CREB3L2: variants seen among roughly 807,000 people sequenced by gnomAD.
CREB3L2 encodes the protein cyclic AMP-responsive element-binding protein 3-like protein 2.
In CREB3L2, 23 loss-of-function variants were observed where a neutral mutation model predicts 57.2. That is an observed-to-expected ratio of 0.40 (90% CI 0.29 to 0.57). The LOEUF (loss-of-function observed/expected upper bound fraction) is 0.57. Ranked by LOEUF, CREB3L2 falls within the 20% of genes least tolerant of loss-of-function variation. CREB3L2 has a pLI of 0.42. For missense variants in CREB3L2, 628 were observed against 634.7 expected (o/e 0.99, Z 0.11); for synonymous variants, 268 against 265.1 (o/e 1.01, Z -0.11).
intron 1 of CREB3L2, among the ~76,000 whole-genome samples, chr7:137,961,376 C>A (rs1801320542): frequency 6.6e-6 from 1 of 152,136 alleles, no homozygotes; most frequent in Non-Finnish European, 1.5e-5. Context: ...TGGGGGCCCT[C>A]CCCCTGCACA....
At chr7:137,964,631 T>C (rs553756230) in intron 1 of CREB3L2, among the ~76,000 whole-genome samples, 24 of 152,354 alleles carry the variant, frequency 1.6e-4, no homozygotes, top group Middle Eastern at 3.4e-3. Flanking sequence ...AGGTAATCAA[T>C]ATTGAACAAT....
rs925856907 is a variant in CREB3L2, at chr7:137,880,038, G to A, written c.*438C>T. 1.5e-5 allele frequency: 4 copies of A among 259,500 alleles called. No homozygotes were observed. Among genetic ancestry groups the A allele is most frequent in the East Asian group, 1.1e-4 (2 of 17,656 alleles). 16.1% of individuals were successfully genotyped at this position (259,500 alleles called of 1,614,324 possible). On this transcript the variant is annotated 3_prime_UTR_variant, in exon 12 of 12. Transcript: ENST00000330387. The surrounding 1 kb of genome is among the most constrained non-coding windows in gnomAD (Gnocchi z 4.0). ...CCCCAGTGCGAGCAACGGAGGACAC[G>A]GGTCAGTGCTTTGCCAAATACCAAC... is the stretch of plus-strand genomic sequence containing the variant.
intron 2 of CREB3L2, among the ~76,000 whole-genome samples, chr7:137,922,378 A>ATATACG (rs1253781296): frequency 3.5e-4 from 11 of 31,786 alleles, no homozygotes; most frequent in Non-Finnish European, 4.5e-4. Context: ...TACTATATAT[A>ATATACG]TATATGTATA....
intron 8 of CREB3L2, among the ~76,000 whole-genome samples, chr7:137,897,538 T>C (rs894491143): frequency 1.3e-5 from 2 of 152,052 alleles, no homozygotes; most frequent in Non-Finnish European, 2.9e-5. Flanking sequence ...CCCAGATAAT[T>C]TGTGTATTTT....
chr7:137,901,885 A>AAAAAAAG (rs1194235107), intron 7 of CREB3L2, among the ~76,000 whole-genome samples: 11 of 149,530 alleles, frequency 7.4e-5, no homozygotes, highest in Non-Finnish European at 1.2e-4. Flanking sequence ...AAAAAAAAAA[A>AAAAAAAG]AAAAAAAGAA....
intron 1 of CREB3L2, among the ~76,000 whole-genome samples, chr7:137,931,861 T>G (rs561730222): frequency 1.3e-5 from 2 of 152,318 alleles, no homozygotes; most frequent in Admixed American, 1.3e-4. Context: ...TTAAAAAAAT[T>G]TGAATACAAA....
At chr7:137,994,730 A>G (rs758737456) in intron 1 of CREB3L2, among the ~76,000 whole-genome samples, 7 of 152,150 alleles carry the variant, frequency 4.6e-5, no homozygotes, top group Admixed American at 1.3e-4. Context: ...GGATCCCTTG[A>G]GCCCAGGGGT....
At chr7:137,981,769 T>G (rs766020774) in intron 1 of CREB3L2, among the ~76,000 whole-genome samples, 2 of 152,236 alleles carry the variant, frequency 1.3e-5, no homozygotes, top group Admixed American at 1.3e-4. Context: ...ATAAGCACAG[T>G]GGTTTTTCTG....
At chr7:137,926,228 T>C (rs1433474884) in intron 2 of CREB3L2, among the ~76,000 whole-genome samples, 2 of 152,242 alleles carry the variant, frequency 1.3e-5, no homozygotes, top group Admixed American at 1.3e-4. Flanking sequence ...ATCCCATTAC[T>C]GGGTATATAC....
rs533714565 is a variant in CREB3L2, at chr7:137,952,835, GTC to G, written c.103-24471_103-24470del. Among the ~76,000 whole-genome samples, 8 of 151,898 alleles carry G rather than the reference GTC, an allele frequency of 5.3e-5. No individual in the cohort carries two copies. In the East Asian group the frequency reaches 5.8e-4, roughly 11 times the overall value. On this transcript the variant is annotated intron_variant, in intron 1 of 11. Transcript: ENST00000330387. The stretch of plus-strand genomic sequence containing the variant: ...TTTGTTTTTGTTTTTTTTAGACGGG[GTC>G]TCTCTCTCTCACTCTTGTCAACTAG...
At chr7:137,928,479 A>G (rs930880646) in intron 1 of CREB3L2, 113 bp from the exon 2 acceptor site, 1 of 818,658 alleles carries the variant, frequency 1.2e-6, no homozygotes, top group African/African-American at 1.7e-5. Flanking sequence ...CCTTCTACAC[A>G]CACAATGTCC....
intron 6 of CREB3L2, among the ~76,000 whole-genome samples, chr7:137,905,388 G>A (rs1799863065): frequency 1.3e-5 from 1 of 79,770 alleles, no homozygotes; most frequent in Non-Finnish European, 2.1e-5. Flanking sequence ...TTAAAAGGCT[G>A]AGTTAAAAAA....
intron 9 of CREB3L2, 120 bp from the exon 10 acceptor site, chr7:137,885,241 C>A: frequency 4.8e-6 from 6 of 1,252,096 alleles, no homozygotes; most frequent in Non-Finnish European, 6.7e-6. Flanking sequence ...CTGCACCCAC[C>A]AGTCACATCA....
rs28402911 is a variant in CREB3L2, at chr7:137,998,775, T to G, written c.102+2829A>C. Among the ~76,000 whole-genome samples the G allele has an allele frequency of 6.5e-3, 989 of 152,304 alleles. 11 individuals are homozygous for G. Among genetic ancestry groups the G allele is most frequent in the African/African-American group, 0.023 (947 of 41,572 alleles). On this transcript the variant is annotated intron_variant, in intron 1 of 11. Coordinates refer to ENST00000330387, the MANE Select transcript of CREB3L2 (RefSeq NM_194071.4). Reference sequence around the variant, plus strand: ...GTAATTTGTGAAACCCAGTGCAAAATGAAAATGTAAGGTCCCCAGTTCAAA... The same window carrying G: ...GTAATTTGTGAAACCCAGTGCAAAAGGAAAATGTAAGGTCCCCAGTTCAAA...
At chr7:137,936,036 AG>A in intron 1 of CREB3L2, 2 of 551,640 alleles carry the variant, frequency 3.6e-6, no homozygotes, top group Non-Finnish European at 4.6e-6. Flanking sequence ...TGGGAGGAAA[AG>A]GAAGGATTCA....
intron 7 of CREB3L2, among the ~76,000 whole-genome samples, chr7:137,902,670 C>T (rs1369267509): frequency 1.3e-5 from 2 of 152,146 alleles, no homozygotes; most frequent in Non-Finnish European, 2.9e-5. Context: ...TGTATATAAC[C>T]TTTACATATC....
Position 138,001,424 on chromosome 7 carries a change from G to A in CREB3L2, c.102+180C>T, listed in dbSNP as rs1334969832. On this transcript the variant is annotated intron_variant, in intron 1 of 11. Coordinates refer to ENST00000330387, the MANE Select transcript of CREB3L2 (RefSeq NM_194071.4). This position sits in a 1 kb window ranked among gnomAD's most constrained non-coding sequence, Gnocchi z 4.2. The stretch of plus-strand genomic sequence containing the variant: ...CATTACTCTCATGAGAAATGTAAAG[G>A]GGCCAGCTGCCCGCCTTCATCTGCT... Among the ~76,000 whole-genome samples, 3 of 152,180 alleles carry A rather than the reference G, an allele frequency of 2.0e-5. No individual in the cohort carries two copies. Among genetic ancestry groups the A allele is most frequent in the Non-Finnish European group, 2.9e-5 (2 of 68,016 alleles).
intron 1 of CREB3L2, among the ~76,000 whole-genome samples, chr7:137,969,014 G>A (rs181660569): frequency 1.4e-3 from 210 of 152,316 alleles, no homozygotes; most frequent in African/African-American, 4.4e-3. Context: ...CGAAGAAGAC[G>A]TGGCGCCCCA....
At chr7:137,988,573 A>G (rs1326603970) in intron 1 of CREB3L2, among the ~76,000 whole-genome samples, 1 of 152,206 alleles carries the variant, frequency 6.6e-6, no homozygotes, top group Non-Finnish European at 1.5e-5. Context: ...CCTTAGTGGA[A>G]GAGTCAGAAG....
Sources: allele counts gnomAD v4.1 joint callset (sites outside exome capture counted in the v4.1 genomes callset), GRCh38; gene constraint gnomAD v4.1.1; non-coding constraint Gnocchi (gnomAD v3.1); transcripts MANE v1.5; gene names NCBI Gene and HGNC (gene_info 2026-07-23, HGNC 2026-07-21).